RPAP2: variants seen among roughly 807,000 people sequenced by gnomAD.
RPAP2 encodes putative RNA polymerase II subunit B1 CTD phosphatase RPAP2.
Under a neutral mutation model 73.1 loss-of-function variants are expected in RPAP2, and 52 were observed. That is an observed-to-expected ratio of 0.71 (90% confidence interval 0.57 to 0.90). RPAP2 has a LOEUF of 0.90. Among genes scored for constraint, RPAP2 ranks in the 40% least tolerant of loss-of-function variants. The pLI, the probability that RPAP2 is intolerant of heterozygous loss-of-function variation, is 0.00. For missense variants in RPAP2, 598 were observed against 701.8 expected (o/e 0.85, Z 1.67); for synonymous variants, 225 against 242.1 (o/e 0.93, Z 0.65).
chr1:92,301,317 C>G (rs1355610933), intron 2 of RPAP2, among the ~76,000 whole-genome samples, 159 bp from the exon 3 acceptor site: 1 of 151,940 alleles, frequency 6.6e-6, no homozygotes, highest in East Asian at 1.9e-4. Flanking sequence ...GACCTTGTCT[C>G]TACAATTAAA....
At chr1:92,349,402 A>G (rs1048809444) in intron 11 of RPAP2, among the ~76,000 whole-genome samples, 24 of 152,340 alleles carry the variant, frequency 1.6e-4, no homozygotes, top group Admixed American at 6.5e-4. Context: ...GAGGATACAT[A>G]CATACACCTA....
chr1:92,317,356 A>G (rs543181791), intron 6 of RPAP2, among the ~76,000 whole-genome samples: 282 of 152,174 alleles, frequency 1.9e-3, no homozygotes, highest in African/African-American at 6.4e-3. Context: ...AAAATACAAA[A>G]AATGAGCTGG....
chr1:92,360,934 T>C (rs561412346), intron 11 of RPAP2, among the ~76,000 whole-genome samples: 3 of 152,212 alleles, frequency 2.0e-5, no homozygotes, highest in African/African-American at 7.2e-5. Flanking sequence ...TGAGCTTGAG[T>C]TGTACAGCCA....
chr1:92,300,291 A>T (rs1542685), intron 2 of RPAP2, 52 bp downstream of exon 2: 642,204 of 1,348,768 alleles, frequency 0.48, 163,557 homozygotes, highest in East Asian at 0.96. Flanking sequence ...ATCTTGTATT[A>T]CTTGTACCAA....
intron 10 of RPAP2, among the ~76,000 whole-genome samples, chr1:92,343,316 C>A (rs1440642059): frequency 6.6e-6 from 1 of 152,174 alleles, no homozygotes; most frequent in Non-Finnish European, 1.5e-5. Flanking sequence ...TTAATCCTCA[C>A]AAGAACCCTG....
intron 11 of RPAP2, among the ~76,000 whole-genome samples, chr1:92,374,336 T>C (rs1655299567): frequency 6.6e-6 from 1 of 152,208 alleles, no homozygotes; most frequent in African/African-American, 2.4e-5. Context: ...TTACTGACCA[T>C]GAAAAGAACA....
At chr1:92,384,623 CAA>C (rs1253563939) in intron 12 of RPAP2, among the ~76,000 whole-genome samples, 23 of 99,568 alleles carry the variant, frequency 2.3e-4, no homozygotes, top group Non-Finnish European at 2.1e-4. Flanking sequence ...AACTCCATCT[CAA>C]AAAAAAAAAA....
rs541580208 is a variant in RPAP2, at chr1:92,304,475, C to G, written c.399+126C>G. 2.3e-4 allele frequency: 118 copies of G among 507,692 alleles called. 2 individuals carry two copies. The South Asian group carries it at 4.7e-3, about 20-fold the overall frequency. 31.4% of individuals were successfully genotyped at this position (507,692 alleles called of 1,614,324 possible). A position where few individuals can be genotyped will look rare whatever the true frequency, so the allele number is the denominator to read the frequency against. On this transcript the variant is annotated intron_variant, in intron 5 of 12. Coordinates refer to ENST00000610020, the MANE Select transcript of RPAP2 (RefSeq NM_024813.3). ...TTCTAAAAGAAACTTTAAAATCTTACTGGTTAGAAAATAGTGATGTTAAAA... is the reference window on the plus strand; with the variant it reads ...TTCTAAAAGAAACTTTAAAATCTTAGTGGTTAGAAAATAGTGATGTTAAAA...
chr1:92,318,258 C>T (rs927388898), intron 6 of RPAP2, among the ~76,000 whole-genome samples: 5 of 152,152 alleles, frequency 3.3e-5, no homozygotes, highest in African/African-American at 9.7e-5. Context: ...AGACCATTAG[C>T]GCTTTAGATA....
At chr1:92,375,318 A>G (rs1358196615) in intron 11 of RPAP2, among the ~76,000 whole-genome samples, 1 of 152,346 alleles carries the variant, frequency 6.6e-6, no homozygotes, top group South Asian at 2.1e-4. Context: ...TTCTCAACTT[A>G]TAACTCTTAG....
intron 11 of RPAP2, among the ~76,000 whole-genome samples, chr1:92,373,029 A>G (rs1655217912): frequency 6.6e-6 from 1 of 152,278 alleles, no homozygotes; most frequent in South Asian, 2.1e-4. Flanking sequence ...GATGATCTAC[A>G]GTGTAACAGG....
chr1:92,314,710 T>G (rs1455449149), intron 6 of RPAP2, among the ~76,000 whole-genome samples: 2 of 150,496 alleles, frequency 1.3e-5, no homozygotes, highest in Non-Finnish European at 2.9e-5. Context: ...GCCACTGCAC[T>G]ACAGCCTGGG....
chr1:92,333,423 T>G lies in RPAP2; in HGVS notation c.1488T>G (p.Ser496Arg), dbSNP rs1653090783. The G allele has an allele frequency of 6.2e-7, 1 of 1,613,568 alleles. No homozygotes were observed. The highest frequency in any genetic ancestry group is 8.5e-7 in the Non-Finnish European group (1 of 1,179,690). Residue 496 changes from serine (S) to arginine (R), a missense_variant, in exon 9 of 13, where the codon AGT (serine) becomes AGG (arginine). Physicochemically the swap from Ser to Arg is moderately radical, Grantham distance 110. Around this residue, in one of 3 missense-constraint regions of RPAP2, gnomAD observed 506 missense variants for 612.8 expected, o/e 0.83. Coordinates refer to ENST00000610020, the MANE Select transcript of RPAP2 (RefSeq NM_024813.3). ...CCACCTTTCCACTGATAGACTCAAG[T>G]TCCCAGAACCAGATTAGAAAACGCA... ...HDSTFPLIDS[S>R]SQNQIRKRIV...
intron 11 of RPAP2, among the ~76,000 whole-genome samples, chr1:92,376,517 G>A (rs1019118584): frequency 1.3e-5 from 2 of 152,164 alleles, no homozygotes; most frequent in African/African-American, 4.8e-5. Flanking sequence ...GATGCCTGAG[G>A]ATTGCTATCT....
chr1:92,386,544 A>G (rs1655868882), intron 12 of RPAP2, among the ~76,000 whole-genome samples: 1 of 152,192 alleles, frequency 6.6e-6, no homozygotes, highest in South Asian at 2.1e-4. Flanking sequence ...GATCAGTTAA[A>G]ACTTAGCCCT....
chr1:92,387,045 T>C lies in RPAP2; in HGVS notation c.*34T>C. The stretch of plus-strand genomic sequence containing the variant: ...ATGAAGACAAAATAGAAGATGAACT[T>C]CTATTCACCGTTTCTGGAATTCTAG... On this transcript the variant is annotated 3_prime_UTR_variant, in exon 13 of 13. Coordinates refer to ENST00000610020, the MANE Select transcript of RPAP2 (RefSeq NM_024813.3). 6.3e-7 allele frequency: 1 copy of C among 1,577,108 alleles called. No homozygotes were observed. Among genetic ancestry groups the C allele is most frequent in the Non-Finnish European group, 8.7e-7 (1 of 1,154,748 alleles).
intron 8 of RPAP2, among the ~76,000 whole-genome samples, chr1:92,330,922 G>C (rs1460480419): frequency 6.6e-6 from 1 of 152,108 alleles, no homozygotes; most frequent in Non-Finnish European, 1.5e-5. Context: ...CATATTTACT[G>C]AATGAGAATT....
intron 11 of RPAP2, among the ~76,000 whole-genome samples, chr1:92,351,323 A>G (rs1049037811): frequency 6.6e-6 from 1 of 151,574 alleles, no homozygotes; most frequent in Non-Finnish European, 1.5e-5. Context: ...AAAAAAAAAA[A>G]AAAAAGAAAG....
At chr1:92,309,572 TATACATATACATACACATACACATAC>T (rs1651463007) in intron 6 of RPAP2, among the ~76,000 whole-genome samples, 19 of 24,522 alleles carry the variant, frequency 7.7e-4, no homozygotes, top group African/African-American at 2.4e-3. Context: ...CACATACACA[TATACATATACATACACATACACATAC>T]ACATACACAT....
Sources: allele counts gnomAD v4.1 joint callset (sites outside exome capture counted in the v4.1 genomes callset), GRCh38; gene constraint gnomAD v4.1.1; regional missense constraint gnomAD v4.1.1; transcripts MANE v1.5; gene names NCBI Gene and HGNC (gene_info 2026-07-23, HGNC 2026-07-21).